EPS8: variants seen among roughly 807,000 people sequenced by gnomAD.
EPS8 encodes epidermal growth factor receptor kinase substrate 8.
In EPS8, 42 loss-of-function variants were observed where a neutral mutation model predicts 103.8. The observed-to-expected ratio is 0.40, with a 90% CI of 0.32 to 0.52. The LOEUF is 0.52. Among genes scored for constraint, EPS8 ranks in the 20% least tolerant of loss-of-function variants. The pLI is 0.40. For missense variants in EPS8, 969 were observed against 1,005.1 expected (o/e 0.96, Z 0.49); for synonymous variants, 344 against 344.6 (o/e 1.00, Z 0.02).
chr12:15,750,039 C>CT (rs1240633277), intron 1 of EPS8, among the ~76,000 whole-genome samples: 1 of 152,194 alleles, frequency 6.6e-6, no homozygotes, highest in African/African-American at 2.4e-5. Context: ...GAATTGGACT[C>CT]TATCTCTCTA....
rs1049358918 is a variant in EPS8, at chr12:15,771,672, T to C, written c.-22+17489A>G. 2.0e-5 allele frequency among the ~76,000 whole-genome samples: 3 copies of C among 151,460 alleles called. No homozygotes were observed. Among genetic ancestry groups the C allele is most frequent in the African/African-American group, 4.9e-5 (2 of 41,184 alleles). On this transcript the variant is annotated intron_variant, in intron 1 of 20. Coordinates refer to ENST00000281172, the MANE Select transcript of EPS8 (RefSeq NM_004447.6). This position sits in a 1 kb window ranked among gnomAD's most constrained non-coding sequence, Gnocchi z 4.6. ...AATGGGCTAGAAATTCTCCGTAGGA[T>C]TGCACTGCACTCCAGCCTGGGTAAC...
Position 15,716,318 on chromosome 12 carries a change from T to C in EPS8, c.-21-33346A>G, listed in dbSNP as rs1435040016. Among the ~76,000 whole-genome samples, 2 of 152,152 alleles carry C rather than the reference T, an allele frequency of 1.3e-5. No individual in the cohort carries two copies. The highest frequency in any genetic ancestry group is 1.9e-4 in the East Asian group (1 of 5,188). On this transcript the variant is annotated intron_variant, in intron 1 of 20. Transcript: ENST00000281172. This position sits in a 1 kb window ranked among gnomAD's most constrained non-coding sequence, Gnocchi z 5.0. ...TTCTGATATACCTTTGGCTCCTGAA[T>C]TATCTATCAGTAAAGATGATAATGA...
intron 6 of EPS8, among the ~76,000 whole-genome samples, 191 bp from the exon 7 acceptor site, chr12:15,666,713 T>C (rs966457966): frequency 1.3e-5 from 2 of 152,204 alleles, no homozygotes; most frequent in African/African-American, 4.8e-5. Flanking sequence ...ATGATAAGAT[T>C]TTAAAAACTG....
Position 15,745,558 on chromosome 12 carries a change from CAAAAAA to C in EPS8, c.-22+43597_-22+43602del, listed in dbSNP as rs5796646. On this transcript the variant is annotated intron_variant, in intron 1 of 20. Coordinates refer to ENST00000281172, the MANE Select transcript of EPS8 (RefSeq NM_004447.6). The surrounding 1 kb of genome is among the most constrained non-coding windows in gnomAD (Gnocchi z 4.6). ...CTCCAAAAATCTATGACTATGTATCCAAAAAAAAAAAAAAATTCTTTAAACCACAGA... is the reference window on the plus strand; with the variant it reads ...CTCCAAAAATCTATGACTATGTATCCAAAAAAAAATTCTTTAAACCACAGA... Among the ~76,000 whole-genome samples, 1 of 145,254 alleles carries C rather than the reference CAAAAAA, an allele frequency of 6.9e-6. No individual in the cohort carries two copies. The highest frequency in any genetic ancestry group is 2.2e-4 in the South Asian group (1 of 4,594).
Position 15,682,974 on chromosome 12 carries a change from T to TA in EPS8, c.-21-3dup, listed in dbSNP as rs760585317. The TA allele has an allele frequency of 2.0e-6, 3 of 1,533,620 alleles. No homozygotes were observed. The highest frequency in any genetic ancestry group is 1.2e-5 in the South Asian group (1 of 81,548). Reference sequence around the variant, plus strand: ...CATTGTGTCTTTCACTTGTGTGTTCTAAAAAAAGAAAGACACATAGATTAA... The same window carrying TA: ...CATTGTGTCTTTCACTTGTGTGTTCTAAAAAAAAGAAAGACACATAGATTAA... On this transcript the variant is annotated splice_polypyrimidine_tract_variant and splice_region_variant and intron_variant, in intron 1 of 20. Transcript: ENST00000281172.
Position 15,634,816 on chromosome 12 carries a change from G to C in EPS8, c.1822-3152C>G, listed in dbSNP as rs537999778. 1.0e-5 allele frequency: 4 copies of C among 398,342 alleles called. No individual in the cohort carries two copies. In the East Asian group the frequency reaches 1.1e-4, roughly 11 times the overall value. 24.7% of individuals were successfully genotyped at this position (398,342 alleles called of 1,614,324 possible). On this transcript the variant is annotated intron_variant, in intron 17 of 20. Coordinates refer to ENST00000281172, the MANE Select transcript of EPS8 (RefSeq NM_004447.6). ...AAATGAGAAAATTAATACAGGAAATGGAATTAAAATAATATCAATTATAAT... is the reference window on the plus strand; with the variant it reads ...AAATGAGAAAATTAATACAGGAAATCGAATTAAAATAATATCAATTATAAT...
chr12:15,658,751 TA>T (rs1217941148), intron 10 of EPS8, among the ~76,000 whole-genome samples, 166 bp from the exon 11 acceptor site: 7 of 152,162 alleles, frequency 4.6e-5, no homozygotes, highest in Admixed American at 1.3e-4. Context: ...ACTGAGAAGA[TA>T]CAAATTTCAA....
In EPS8 at chr12:15,700,462, T is replaced by A. The variant is rs1918306; in HGVS notation, c.-21-17490A>T. On this transcript the variant is annotated intron_variant, in intron 1 of 20. Transcript: ENST00000281172. The surrounding 1 kb of genome is among the most constrained non-coding windows in gnomAD (Gnocchi z 5.1). The stretch of plus-strand genomic sequence containing the variant: ...AATATAAATTCCTCTAAAATTTACA[T>A]AACTGGTCACCTGACTCCACTCCTT... Among the ~76,000 whole-genome samples the A allele has an allele frequency of 6.6e-6, 1 of 152,294 alleles. No homozygotes were observed. The highest frequency in any genetic ancestry group is 1.5e-5 in the Non-Finnish European group (1 of 68,042).
intron 1 of EPS8, among the ~76,000 whole-genome samples, chr12:15,742,567 T>G (rs192127296): frequency 2.6e-5 from 4 of 152,296 alleles, no homozygotes; most frequent in Non-Finnish European, 4.4e-5. Context: ...TCCACCACAA[T>G]CAAGTTGGCT....
chr12:15,661,993 AG>A (rs1945613461), intron 9 of EPS8, 32 bp downstream of exon 9: 1 of 1,482,554 alleles, frequency 6.7e-7, no homozygotes, highest in African/African-American at 1.4e-5. Context: ...TTAAAAGAAA[AG>A]CCAGTGATCT....
chr12:15,659,508 C>T (rs992723752), intron 10 of EPS8, among the ~76,000 whole-genome samples: 1 of 152,048 alleles, frequency 6.6e-6, no homozygotes, highest in African/African-American at 2.4e-5. Flanking sequence ...GATAGTATAC[C>T]TTTCATAGAG....
intron 19 of EPS8, 59 bp from the exon 20 acceptor site, chr12:15,623,346 G>A (rs540668839): frequency 2.1e-5 from 31 of 1,490,932 alleles, no homozygotes; most frequent in Non-Finnish European, 2.6e-5. Flanking sequence ...ACAAACAAAG[G>A]AGAAAATTAT....
chr12:15,745,558 C>CAAA lies in EPS8; in HGVS notation c.-22+43600_-22+43602dup, dbSNP rs5796646. ...CTCCAAAAATCTATGACTATGTATC[C>CAAA]AAAAAAAAAAAAAAATTCTTTAAAC... On this transcript the variant is annotated intron_variant, in intron 1 of 20. Transcript: ENST00000281172. The surrounding 1 kb of genome is among the most constrained non-coding windows in gnomAD (Gnocchi z 4.6). Among the ~76,000 whole-genome samples, 3,580 of 145,224 alleles carry CAAA rather than the reference C, an allele frequency of 0.025. 145 individuals are homozygous for CAAA. The highest frequency in any genetic ancestry group is 0.086 in the African/African-American group (3,398 of 39,588).
rs1381101210 is a variant in EPS8 at position 15,779,467 on chromosome 12, T to C, written c.-22+9694A>G. 6.6e-6 allele frequency among the ~76,000 whole-genome samples: 1 copy of C among 152,268 alleles called. No individual in the cohort carries two copies. The highest frequency in any genetic ancestry group is 1.5e-5 in the Non-Finnish European group (1 of 68,048). Reference sequence around the variant, plus strand: ...ATTAGATAAACTGTAATCAATGTCTTCTCAAAAGAGACAGATTTTACACAT... The same window carrying C: ...ATTAGATAAACTGTAATCAATGTCTCCTCAAAAGAGACAGATTTTACACAT... On this transcript the variant is annotated intron_variant, in intron 1 of 20. Transcript: ENST00000281172. This position sits in a 1 kb window ranked among gnomAD's most constrained non-coding sequence, Gnocchi z 4.3.
At position 15,713,539 on chromosome 12, in the gene EPS8, G is replaced by A. The variant is rs905983482; in HGVS notation, c.-21-30567C>T. On this transcript the variant is annotated intron_variant, in intron 1 of 20. Transcript: ENST00000281172. The surrounding 1 kb of genome is among the most constrained non-coding windows in gnomAD (Gnocchi z 4.8). ...TATAGATTGAAATTGGTAACAAGAT[G>A]CCTCTTGAAGGAGAAAGAACAGAAG... Among the ~76,000 whole-genome samples the A allele has an allele frequency of 2.0e-5, 3 of 152,140 alleles. No individual in the cohort carries two copies. The highest frequency in any genetic ancestry group is 7.2e-5 in the African/African-American group (3 of 41,428).
chr12:15,653,231 T>C (rs1253876491), intron 13 of EPS8, among the ~76,000 whole-genome samples: 2 of 152,208 alleles, frequency 1.3e-5, no homozygotes, highest in East Asian at 3.8e-4. Flanking sequence ...CAGTTACTTT[T>C]GTCCTTGTCC....
rs1946272045 is a variant in EPS8 at position 15,698,608 on chromosome 12, C to G, written c.-21-15636G>C. On this transcript the variant is annotated intron_variant, in intron 1 of 20. Coordinates refer to ENST00000281172, the MANE Select transcript of EPS8 (RefSeq NM_004447.6). The surrounding 1 kb of genome is among the most constrained non-coding windows in gnomAD (Gnocchi z 4.9). ...TAAGAAGCCCCAGGAATAGCACGTA[C>G]CGGCACATAGTAGCACATTCAAACT... 6.6e-6 allele frequency among the ~76,000 whole-genome samples: 1 copy of G among 151,928 alleles called. No individual in the cohort carries two copies. Among genetic ancestry groups the G allele is most frequent in the African/African-American group, 2.4e-5 (1 of 41,376 alleles).
At chr12:15,737,465 A>G (rs1295949646) in intron 1 of EPS8, among the ~76,000 whole-genome samples, 1 of 152,166 alleles carries the variant, frequency 6.6e-6, no homozygotes, top group African/African-American at 2.4e-5. Flanking sequence ...AACAACAACA[A>G]CAACTAACAT....
At chr12:15,627,825 A>G (rs1944974564) in intron 18 of EPS8, among the ~76,000 whole-genome samples, 2 of 152,184 alleles carry the variant, frequency 1.3e-5, no homozygotes, top group Non-Finnish European at 2.9e-5. Context: ...ACATAGGTAC[A>G]TTATGTTCGT....
Sources: gnomAD v4.1 joint callset for allele counts (sites outside exome capture counted in the v4.1 genomes callset) on GRCh38, gnomAD v4.1.1 for gene constraint, Gnocchi (gnomAD v3.1) non-coding constraint, MANE v1.5 for transcripts, NCBI Gene and HGNC (gene_info 2026-07-23, HGNC 2026-07-21) for gene names.